Variants in ZC3HAV1 observed in about 807,000 individuals in gnomAD.
ZC3HAV1 encodes zinc finger CCCH-type containing, antiviral 1, also known as zinc finger CCCH-type antiviral protein 1.
ZC3HAV1 carries 41 observed loss-of-function variants against 86.6 expected under a neutral mutation model. The observed-to-expected ratio is 0.47, with a 90% confidence interval of 0.37 to 0.61. The LOEUF is 0.61. Among genes scored for constraint, ZC3HAV1 ranks in the 20% least tolerant of loss-of-function variants. The pLI is 0.00. For synonymous variants in ZC3HAV1, 421 were observed against 432.1 expected (o/e 0.97, Z 0.32); for missense variants, 964 against 1,141.1 (o/e 0.84, Z 2.24).
chr7:139,077,158 G>T (rs902546226), intron 5 of ZC3HAV1, among the ~76,000 whole-genome samples: 1 of 152,190 alleles, frequency 6.6e-6, no homozygotes, highest in African/African-American at 2.4e-5. Context: ...CCTTTAGCCA[G>T]TACCCAATAG....
intron 2 of ZC3HAV1, among the ~76,000 whole-genome samples, chr7:139,085,965 T>C (rs1817263719): frequency 6.6e-6 from 1 of 151,234 alleles, no homozygotes; most frequent in African/African-American, 2.4e-5. Context: ...GACCTGAAAT[T>C]GCACCACTGC....
chr7:139,106,419 C>T (rs900960669), intron 1 of ZC3HAV1, among the ~76,000 whole-genome samples: 17 of 152,132 alleles, frequency 1.1e-4, no homozygotes, highest in Non-Finnish European at 2.4e-4. Context: ...TCGAGACCGG[C>T]CTGGCCAACA....
chr7:139,104,377 A>T (rs1452130608), intron 1 of ZC3HAV1, among the ~76,000 whole-genome samples: 2 of 152,204 alleles, frequency 1.3e-5, no homozygotes. Context: ...TAAATTTTTG[A>T]ATTAATAACT....
rs754750196 is a variant in ZC3HAV1, at chr7:139,053,955, G to C, written c.2318+10C>G. On this transcript the variant is annotated intron_variant, in intron 11 of 12. Transcript: ENST00000242351. ...TTTATGTAAAGAAACACGATAACGTGGCCACCAACCATGTAAATTTATCCA... is the reference window on the plus strand; with the variant it reads ...TTTATGTAAAGAAACACGATAACGTCGCCACCAACCATGTAAATTTATCCA... 1 of 1,600,666 alleles carries C rather than the reference G, an allele frequency of 6.2e-7. No individual in the cohort carries two copies. The highest frequency in any genetic ancestry group is 8.5e-7 in the Non-Finnish European group (1 of 1,176,996).
At chr7:139,072,515 C>T (rs569405041) in intron 7 of ZC3HAV1, among the ~76,000 whole-genome samples, 168 of 152,162 alleles carry the variant, frequency 1.1e-3, no homozygotes, top group African/African-American at 3.8e-3. Flanking sequence ...TCATTTTAAT[C>T]TCTTGCTTTC....
intron 4 of ZC3HAV1, chr7:139,079,237 A>G (rs1817049261): frequency 6.5e-7 from 1 of 1,536,506 alleles, no homozygotes; most frequent in South Asian, 1.2e-5. Context: ...ACTGAGGCAG[A>G]GTGCTGACTT....
At position 139,079,484 on chromosome 7, in the gene ZC3HAV1, A is replaced by C; in HGVS notation, c.1457T>G (p.Val486Gly). 1 of 1,613,906 alleles carries C rather than the reference A, an allele frequency of 6.2e-7. No individual in the cohort carries two copies. Among genetic ancestry groups the C allele is most frequent in the South Asian group, 1.1e-5 (1 of 91,066 alleles). Reference protein sequence around the residue: ...GRIADDADPRVALVNDSLSDV... With the variant: ...GRIADDADPRGALVNDSLSDV... The stretch of plus-strand genomic sequence containing the variant: ...TTTGTATTTACCGTTAACAAGTGCT[A>C]CTCTTGGGTCAGCATCATCTGCGAT... The change falls in exon 4 of 13, where the codon GTA (valine) becomes GGA (glycine). Residue 486 changes from valine to glycine, a missense_variant. Val to Gly is a moderately radical substitution (Grantham distance 109, BLOSUM62 -3). Transcript: ENST00000242351.
chr7:139,104,239 C>G (rs929892742), intron 1 of ZC3HAV1, among the ~76,000 whole-genome samples: 7 of 151,362 alleles, frequency 4.6e-5, no homozygotes, highest in Admixed American at 4.0e-4. Flanking sequence ...GTGAATTAAC[C>G]GAAAAGGAAA....
intron 3 of ZC3HAV1, among the ~76,000 whole-genome samples, chr7:139,082,349 C>T (rs1189109871): frequency 6.7e-6 from 1 of 149,542 alleles, no homozygotes; most frequent in Non-Finnish European, 1.5e-5. Context: ...TCAGAAAACA[C>T]AAAATGATAG....
chr7:139,090,680 G>A (rs1208546755), intron 1 of ZC3HAV1, among the ~76,000 whole-genome samples: 2 of 152,110 alleles, frequency 1.3e-5, no homozygotes, highest in African/African-American at 4.8e-5. Flanking sequence ...AAATAGAAAT[G>A]CAAAATGATC....
rs776880098 is a variant in ZC3HAV1 at position 139,108,983 on chromosome 7, C to G, written c.308+41G>C. The G allele has an allele frequency of 6.7e-7, 1 of 1,503,548 alleles. No homozygotes were observed. Among genetic ancestry groups the G allele is most frequent in the African/African-American group, 1.4e-5 (1 of 72,622 alleles). The allele number at this position is 1,503,548 out of a possible 1,614,324, so 93.1% of individuals were successfully genotyped here. A position where few individuals can be genotyped will look rare whatever the true frequency, so the allele number is the denominator to read the frequency against. On this transcript the variant is annotated intron_variant, in intron 1 of 12. Coordinates refer to ENST00000242351, the MANE Select transcript of ZC3HAV1 (RefSeq NM_020119.4). The surrounding 1 kb of genome is among the most constrained non-coding windows in gnomAD (Gnocchi z 4.2). ...TGCCCGCCTGGACAGTCCACCCCGA[C>G]CACGGCTGCGGACAGCGCCCCTCCC...
chr7:139,051,892 C>A (rs1251628773), intron 12 of ZC3HAV1, among the ~76,000 whole-genome samples: 1 of 151,940 alleles, frequency 6.6e-6, no homozygotes, highest in Admixed American at 6.6e-5. Flanking sequence ...GAATTTAATC[C>A]TAGTTGTATG....
intron 7 of ZC3HAV1, among the ~76,000 whole-genome samples, chr7:139,066,318 G>A (rs1216767838): frequency 1.3e-5 from 2 of 152,172 alleles, no homozygotes; most frequent in African/African-American, 2.4e-5. Flanking sequence ...CCTGCTGGTT[G>A]TAAGCGGAGG....
At chr7:139,078,729 G>T in intron 4 of ZC3HAV1, 76 bp from the exon 5 acceptor site, 1 of 1,085,802 alleles carries the variant, frequency 9.2e-7, no homozygotes, top group Non-Finnish European at 1.3e-6. Context: ...GTCTCACAAT[G>T]GGAAAGAATA....
At chr7:139,055,116 C>G in intron 10 of ZC3HAV1, 89 bp downstream of exon 10, 1 of 1,177,254 alleles carries the variant, frequency 8.5e-7, no homozygotes, top group South Asian at 1.4e-5. Flanking sequence ...GGGAGCAATT[C>G]ATTCATCCAG....
intron 9 of ZC3HAV1, among the ~76,000 whole-genome samples, chr7:139,059,075 C>T (rs938128743): frequency 1.3e-5 from 2 of 152,162 alleles, no homozygotes; most frequent in Admixed American, 6.5e-5. Context: ...TGAAGACATC[C>T]TGCCAGAACG....
chr7:139,092,021 G>C (rs562296493), intron 1 of ZC3HAV1, among the ~76,000 whole-genome samples: 1 of 152,296 alleles, frequency 6.6e-6, no homozygotes, highest in East Asian at 1.9e-4. Flanking sequence ...TTTAGAAAGG[G>C]GAGGGGGGGT....
intron 6 of ZC3HAV1, among the ~76,000 whole-genome samples, chr7:139,075,502 G>T (rs892804349): frequency 6.6e-6 from 1 of 152,086 alleles, no homozygotes; most frequent in Admixed American, 6.6e-5. Flanking sequence ...GCACAATCAC[G>T]GCTCATTGCA....
At chr7:139,099,892 A>T (rs1054994868) in intron 1 of ZC3HAV1, among the ~76,000 whole-genome samples, 1 of 151,934 alleles carries the variant, frequency 6.6e-6, no homozygotes, top group Admixed American at 6.6e-5. Flanking sequence ...ACACCACTGC[A>T]CTCTAGCCTG....
Sources: gnomAD v4.1 joint callset for allele counts (sites outside exome capture counted in the v4.1 genomes callset) on GRCh38, gnomAD v4.1.1 for gene constraint, Gnocchi (gnomAD v3.1) non-coding constraint, MANE v1.5 for transcripts, NCBI Gene and HGNC (gene_info 2026-07-23, HGNC 2026-07-21) for gene names.